CHST8: variants seen among roughly 807,000 people sequenced by gnomAD.
CHST8 encodes GALNAC-4-ST1.
A neutral mutation model predicts 15.0 loss-of-function variants in CHST8; 10 were observed. That is an observed-to-expected ratio of 0.67 (90% CI 0.41 to 1.13). The LOEUF (loss-of-function observed/expected upper bound fraction) is 1.13, where lower values mean the gene tolerates loss of function less well. CHST8 is among the 50% of genes most tolerant of loss of function. CHST8 has a pLI of 0.00. For missense variants in CHST8, 634 were observed against 608.2 expected (o/e 1.04, Z -0.45); for synonymous variants, 259 against 256.6 (o/e 1.01, Z -0.09).
At chr19:33,629,423 C>A (rs1972095848) in intron 1 of CHST8, among the ~76,000 whole-genome samples, 1 of 152,272 alleles carries the variant, frequency 6.6e-6, no homozygotes, top group African/African-American at 2.4e-5. Flanking sequence ...GAGCCAGTCT[C>A]TACCTGTTGC....
chr19:33,665,619 T>C (rs1316363951), intron 1 of CHST8, among the ~76,000 whole-genome samples: 1 of 152,076 alleles, frequency 6.6e-6, no homozygotes, highest in East Asian at 1.9e-4. Flanking sequence ...AAAGGATTGT[T>C]TGAGTATCTT....
intron 2 of CHST8, among the ~76,000 whole-genome samples, chr19:33,677,163 G>A (rs578024290): frequency 6.6e-6 from 1 of 152,264 alleles, no homozygotes; most frequent in South Asian, 2.1e-4. Flanking sequence ...GCCGGCAGGG[G>A]GGGGCACTGG....
At chr19:33,765,868 A>AT (rs1974830159) in intron 3 of CHST8, among the ~76,000 whole-genome samples, 2 of 152,084 alleles carry the variant, frequency 1.3e-5, no homozygotes, top group Admixed American at 6.6e-5. Context: ...CCAGGAAGGC[A>AT]TTTTTTAGAT....
chr19:33,715,839 C>T (rs989750400), intron 3 of CHST8, among the ~76,000 whole-genome samples: 1 of 152,216 alleles, frequency 6.6e-6, no homozygotes, highest in African/African-American at 2.4e-5. Flanking sequence ...CCCATGCTAG[C>T]TTCTCCAGGC....
intron 3 of CHST8, among the ~76,000 whole-genome samples, chr19:33,718,822 G>C (rs1044892067): frequency 1.3e-5 from 2 of 152,250 alleles, no homozygotes; most frequent in African/African-American, 2.4e-5. Context: ...GCTGGATCCA[G>C]TGGGGAGAGG....
chr19:33,731,548 C>G (rs956303564), intron 3 of CHST8, among the ~76,000 whole-genome samples: 1 of 152,170 alleles, frequency 6.6e-6, no homozygotes, highest in African/African-American at 2.4e-5. Flanking sequence ...TTTACCACAG[C>G]CTGCTTTATC....
rs143473801 is a variant in CHST8 at position 33,755,227 on chromosome 19, C to T, written c.131-16186C>T. ...CTGATGCCCCTGTCAAAGCTCCCAC[C>T]GCCTGACACACCTGTGCTGTGCTCA... On this transcript the variant is annotated intron_variant, in intron 3 of 4. Coordinates refer to ENST00000650847, the MANE Select transcript of CHST8 (RefSeq NM_001127895.2). Among the ~76,000 whole-genome samples the T allele has an allele frequency of 8.0e-3, 1,212 of 151,928 alleles. 13 individuals carry two copies. Among genetic ancestry groups the T allele is most frequent in the Middle Eastern group, 0.017 (5 of 294 alleles).
chr19:33,772,660 A>G lies in CHST8; in HGVS notation c.872A>G (p.Tyr291Cys). The change falls in exon 5 of 5, where the codon TAC becomes TGC. Residue 291 changes from tyrosine (Y) to cysteine (C), a missense_variant. Transcript: ENST00000650847. The stretch of plus-strand genomic sequence containing the variant: ...TTCGGCAAGGCCATCCTGGCCCGGT[A>G]CCGCGCCAATGCCTCTCGGGAGGCC... ...PVFGKAILAR[Y>C]RANASREALR... 1 of 1,613,818 alleles carries G rather than the reference A, an allele frequency of 6.2e-7. No homozygotes were observed. The highest frequency in any genetic ancestry group is 1.1e-5 in the South Asian group (1 of 91,082).
intron 2 of CHST8, among the ~76,000 whole-genome samples, chr19:33,686,350 G>C (rs1972980284): frequency 6.6e-6 from 1 of 152,152 alleles, no homozygotes; most frequent in Non-Finnish European, 1.5e-5. Context: ...ATCATGGGGT[G>C]GGTTTGGTTT....
chr19:33,625,617 T>A (rs1421816952), intron 1 of CHST8, among the ~76,000 whole-genome samples: 2 of 152,038 alleles, frequency 1.3e-5, no homozygotes, highest in Admixed American at 1.3e-4. Context: ...ATCCCAGCAC[T>A]TTGGGAGGCC....
At chr19:33,670,794 C>G (rs1972727305) in intron 2 of CHST8, among the ~76,000 whole-genome samples, 1 of 152,168 alleles carries the variant, frequency 6.6e-6, no homozygotes, top group African/African-American at 2.4e-5. Flanking sequence ...CTGTTCATCT[C>G]CCCTAAAGTA....
At chr19:33,677,191 T>C (rs980416845) in intron 2 of CHST8, among the ~76,000 whole-genome samples, 1 of 152,116 alleles carries the variant, frequency 6.6e-6, no homozygotes, top group Non-Finnish European at 1.5e-5. Flanking sequence ...GTGTGGGGTC[T>C]GTGTGGATGC....
At chr19:33,674,069 T>G (rs535695972) in intron 2 of CHST8, among the ~76,000 whole-genome samples, 2 of 152,176 alleles carry the variant, frequency 1.3e-5, no homozygotes, top group Non-Finnish European at 2.9e-5. Flanking sequence ...TCCTCACTTC[T>G]GTCAGTAGGT....
intron 1 of CHST8, among the ~76,000 whole-genome samples, chr19:33,649,321 A>G (rs1972401887): frequency 6.6e-6 from 1 of 152,142 alleles, no homozygotes; most frequent in South Asian, 2.1e-4. Flanking sequence ...ATCTTTTCAC[A>G]TGCTTATTTG....
chr19:33,676,966 C>T (rs1198278107), intron 2 of CHST8, among the ~76,000 whole-genome samples: 1 of 151,904 alleles, frequency 6.6e-6, no homozygotes, highest in Non-Finnish European at 1.5e-5. Context: ...TTGGATGTGT[C>T]ATTTGAAACA....
intron 2 of CHST8, among the ~76,000 whole-genome samples, chr19:33,683,040 G>A (rs956374939): frequency 1.6e-4 from 25 of 152,086 alleles, no homozygotes; most frequent in African/African-American, 6.0e-4. Flanking sequence ...AGAGATGAGT[G>A]GGGAGGTCCT....
intron 3 of CHST8, among the ~76,000 whole-genome samples, chr19:33,706,432 T>C (rs1358539251): frequency 1.3e-5 from 2 of 152,148 alleles, no homozygotes; most frequent in African/African-American, 4.8e-5. Flanking sequence ...TATACACCCA[T>C]GGGTGGACAG....
chr19:33,669,456 T>A lies in CHST8; in HGVS notation c.-87+1613T>A, dbSNP rs139041986. 2.6e-5 allele frequency among the ~76,000 whole-genome samples: 4 copies of A among 152,316 alleles called. No homozygotes were observed. In the East Asian group the frequency reaches 7.7e-4, roughly 29 times the overall value. On this transcript the variant is annotated intron_variant, in intron 2 of 4. Transcript: ENST00000650847. ...AGCCAAACCACTCTCGTGCCTTAAA[T>A]AATGTTGGATCAAGATCATGTGAAA...
intron 3 of CHST8, among the ~76,000 whole-genome samples, chr19:33,711,429 T>G (rs1480506225): frequency 6.6e-6 from 1 of 152,160 alleles, no homozygotes; most frequent in Non-Finnish European, 1.5e-5. Context: ...ACAATCCTAG[T>G]TTACACCTGT....
Sources: gnomAD v4.1 joint callset for allele counts (sites outside exome capture counted in the v4.1 genomes callset) on GRCh38, gnomAD v4.1.1 for gene constraint, MANE v1.5 for transcripts, NCBI Gene and HGNC (gene_info 2026-07-23, HGNC 2026-07-21) for gene names.